The following PTPRD variants were observed in gnomAD, a reference collection of about 807,000 sequenced individuals.
The protein encoded by PTPRD is protein tyrosine phosphatase receptor type D.
A neutral mutation model predicts 214.5 loss-of-function variants in PTPRD; 34 were observed. The ratio of observed to expected loss-of-function variants is 0.16; its 90% CI spans 0.12 to 0.21. The LOEUF is 0.21. PTPRD is among the 10% of genes least tolerant of loss of function. The pLI, the probability that PTPRD is intolerant of heterozygous loss-of-function variation, is 1.00. For synonymous variants in PTPRD, 1,128 were observed against 845.7 expected, an observed-to-expected ratio of 1.33 and a Z score of -5.79; for missense variants, 2,545 against 2,398.7, an observed-to-expected ratio of 1.06 and a Z score of -1.27.
intron 8 of PTPRD, among the ~76,000 whole-genome samples, chr9:9,449,624 A>G (rs1422194370): frequency 6.6e-6 from 1 of 152,006 alleles, no homozygotes; most frequent in East Asian, 1.9e-4. Context: ...TATAGTGTGT[A>G]AGCAGGGGGA....
intron 3 of PTPRD, among the ~76,000 whole-genome samples, chr9:10,077,999 A>AATTG (rs994095151): frequency 4.7e-4 from 72 of 152,228 alleles, no homozygotes; most frequent in African/African-American, 1.5e-3. Context: ...TAAAAATAGT[A>AATTG]ATTGATATAT....
chr9:10,321,629 T>C (rs1254295311), intron 3 of PTPRD, among the ~76,000 whole-genome samples: 1 of 152,040 alleles, frequency 6.6e-6, no homozygotes, highest in African/African-American at 2.4e-5. Flanking sequence ...GCAACATAAA[T>C]AATCTTTAAG....
chr9:8,501,683 A>T (rs940063385), intron 23 of PTPRD, among the ~76,000 whole-genome samples: 2 of 152,196 alleles, frequency 1.3e-5, no homozygotes, highest in Non-Finnish European at 2.9e-5. Context: ...AATAAAAAAA[A>T]TGTTAACATT....
chr9:10,464,893 T>G (rs1041779985), intron 2 of PTPRD, among the ~76,000 whole-genome samples: 1 of 152,064 alleles, frequency 6.6e-6, no homozygotes, highest in Non-Finnish European at 1.5e-5. Context: ...AAATACTATT[T>G]TAGAAATAGT....
At chr9:10,069,331 C>A (rs169730) in intron 3 of PTPRD, among the ~76,000 whole-genome samples, 2 of 151,924 alleles carry the variant, frequency 1.3e-5, no homozygotes, top group East Asian at 1.9e-4. Context: ...TGTGATACTC[C>A]ATTACAGTTC....
chr9:9,173,422 G>T (rs2099922695), intron 10 of PTPRD, among the ~76,000 whole-genome samples: 2 of 152,058 alleles, frequency 1.3e-5, no homozygotes, highest in Non-Finnish European at 2.9e-5. Context: ...TAACACTGGG[G>T]ATACATTCTG....
intron 7 of PTPRD, among the ~76,000 whole-genome samples, chr9:9,718,386 C>T (rs1430451437): frequency 1.3e-5 from 2 of 152,166 alleles, no homozygotes; most frequent in African/African-American, 4.8e-5. Context: ...ATGCCAGCTG[C>T]AGCAGGGGAG....
At chr9:9,314,469 G>T (rs997943017) in intron 9 of PTPRD, among the ~76,000 whole-genome samples, 17 of 152,092 alleles carry the variant, frequency 1.1e-4, no homozygotes, top group Admixed American at 1.1e-3. Context: ...ATTTTTTGTT[G>T]TTGTTGCAGT....
intron 14 of PTPRD, among the ~76,000 whole-genome samples, chr9:8,568,250 T>A (rs1564407266): frequency 6.6e-6 from 1 of 152,192 alleles, no homozygotes; most frequent in Non-Finnish European, 1.5e-5. Context: ...AGGGAGTTAT[T>A]CTTTGGGTCT....
intron 9 of PTPRD, among the ~76,000 whole-genome samples, chr9:9,313,811 C>T (rs759921140): frequency 4.6e-5 from 7 of 152,134 alleles, no homozygotes; most frequent in Non-Finnish European, 1.0e-4. Context: ...GCTTATGGCA[C>T]TTTAGGAAGA....
intron 2 of PTPRD, among the ~76,000 whole-genome samples, chr9:10,521,890 C>T (rs779552206): frequency 6.6e-6 from 1 of 152,010 alleles, no homozygotes; most frequent in Non-Finnish European, 1.5e-5. Context: ...AAATGGGGAA[C>T]CAAAAAATAT....
chr9:10,216,266 G>A (rs181734513), intron 3 of PTPRD, among the ~76,000 whole-genome samples: 1 of 151,880 alleles, frequency 6.6e-6, no homozygotes, highest in East Asian at 1.9e-4. Context: ...TGGCCTCACT[G>A]CAGTTTCAGT....
intron 7 of PTPRD, among the ~76,000 whole-genome samples, chr9:9,620,331 A>G (rs1044744805): frequency 6.6e-6 from 1 of 151,794 alleles, no homozygotes; most frequent in Non-Finnish European, 1.5e-5. Context: ...TTGTTCTTTA[A>G]TCTATTAATT....
At chr9:10,032,377 A>G (rs1357156963) in intron 4 of PTPRD, among the ~76,000 whole-genome samples, 1 of 152,202 alleles carries the variant, frequency 6.6e-6, no homozygotes, top group South Asian at 2.1e-4. Flanking sequence ...ACAGATGGCA[A>G]CTTGCCAAGA....
At chr9:9,655,009 AT>A (rs1027999250) in intron 7 of PTPRD, among the ~76,000 whole-genome samples, 52 of 152,108 alleles carry the variant, frequency 3.4e-4, no homozygotes, top group Admixed American at 2.5e-3. Flanking sequence ...ATATATAGAT[AT>A]AGATATATAG....
In PTPRD at chr9:8,507,437, A is replaced by T; in HGVS notation, c.1544-3T>A. On this transcript the variant is annotated splice_region_variant and splice_polypyrimidine_tract_variant and intron_variant, in intron 21 of 45. Coordinates refer to ENST00000381196, the MANE Select transcript of PTPRD (RefSeq NM_002839.4). ...GAAGTTTAGTGGCTGCCCTGGTACTAAAAACAGGGAGGCAATGGATTGAAC... is the reference window on the plus strand; with the variant it reads ...GAAGTTTAGTGGCTGCCCTGGTACTTAAAACAGGGAGGCAATGGATTGAAC... 6.2e-7 allele frequency: 1 copy of T among 1,613,588 alleles called. No homozygotes were observed. Among genetic ancestry groups the T allele is most frequent in the Non-Finnish European group, 8.5e-7 (1 of 1,179,612 alleles).
At chr9:8,641,071 T>C (rs531380276) in intron 12 of PTPRD, among the ~76,000 whole-genome samples, 2 of 148,400 alleles carry the variant, frequency 1.3e-5, no homozygotes, top group Non-Finnish European at 2.9e-5. Context: ...ACTTCCCTTC[T>C]CCATATCTCA....
chr9:10,366,868 G>A (rs1342241450), intron 2 of PTPRD, among the ~76,000 whole-genome samples: 1 of 152,106 alleles, frequency 6.6e-6, no homozygotes, highest in African/African-American at 2.4e-5. Context: ...ATCACTCTTT[G>A]AAGAGAAGAC....
At chr9:9,113,429 T>C (rs181286238) in intron 10 of PTPRD, among the ~76,000 whole-genome samples, 4 of 152,242 alleles carry the variant, frequency 2.6e-5, no homozygotes, top group Admixed American at 2.6e-4. Context: ...TCCAGTATTA[T>C]AGTAAAGACT....
Sources: gnomAD v4.1 joint callset for allele counts (sites outside exome capture counted in the v4.1 genomes callset) on GRCh38, gnomAD v4.1.1 for gene constraint, MANE v1.5 for transcripts, NCBI Gene and HGNC (gene_info 2026-07-23, HGNC 2026-07-21) for gene names.